The following RBFOX1 variants were observed in gnomAD, a reference collection of about 807,000 sequenced individuals.
The protein encoded by RBFOX1 is RNA binding fox-1 homolog 1.
In RBFOX1, 8 loss-of-function variants were observed where a neutral mutation model predicts 57.7. The ratio of observed to expected loss-of-function variants is 0.14; its 90% CI spans 0.08 to 0.25. The LOEUF (loss-of-function observed/expected upper bound fraction) is 0.25. Among genes scored for constraint, RBFOX1 ranks in the 10% least tolerant of loss-of-function variants. The probability of loss-of-function intolerance (pLI) is 1.00; values close to 1 mark genes in which losing one functional copy is unlikely to be tolerated. For synonymous variants in RBFOX1, 326 were observed against 222.4 expected, an observed-to-expected ratio of 1.47 and a Z score of -4.15; for missense variants, 611 against 548.5, an observed-to-expected ratio of 1.11 and a Z score of -1.14.
At chr16:6,352,504 G>C (rs2086590068) in intron 2 of RBFOX1, among the ~76,000 whole-genome samples, 1 of 152,114 alleles carries the variant, frequency 6.6e-6, no homozygotes. Context: ...CTAAACACTA[G>C]TTTTTGTTTT....
rs2094595853 is a variant in RBFOX1 at position 6,450,829 on chromosome 16, ATATATATGTG to A, written c.-64+133780_-64+133789del. ...TATATATATATATACATATATATAT[ATATATATGTG>A]TATATATATATATATATATATATAT... On this transcript the variant is annotated intron_variant, in intron 2 of 15. Coordinates refer to ENST00000550418, the MANE Select transcript of RBFOX1 (RefSeq NM_018723.4). 1.1e-3 allele frequency among the ~76,000 whole-genome samples: 42 copies of A among 38,398 alleles called. 1 individual carries two copies. Among genetic ancestry groups the A allele is most frequent in the East Asian group, 2.6e-3 (5 of 1,892 alleles). 25.2% of individuals were successfully genotyped at this position (38,398 alleles called of 152,430 possible). A position where few individuals can be genotyped will look rare whatever the true frequency, so the allele number is the denominator to read the frequency against.
At chr16:7,501,402 T>C (rs1404380736) in intron 4 of RBFOX1, among the ~76,000 whole-genome samples, 1 of 152,228 alleles carries the variant, frequency 6.6e-6, no homozygotes, top group Non-Finnish European at 1.5e-5. Context: ...CATTGTTGCA[T>C]TTACTCTTTG....
At chr16:7,400,822 A>G (rs527355741) in intron 4 of RBFOX1, among the ~76,000 whole-genome samples, 2 of 152,164 alleles carry the variant, frequency 1.3e-5, no homozygotes, top group Non-Finnish European at 2.9e-5. Flanking sequence ...AGTGTCCACA[A>G]TGCTGTTGGT....
At chr16:6,817,630 C>T (rs954254518) in intron 3 of RBFOX1, among the ~76,000 whole-genome samples, 3 of 151,322 alleles carry the variant, frequency 2.0e-5, no homozygotes, top group African/African-American at 4.9e-5. Flanking sequence ...CACTTGAACC[C>T]AGGAGGAGGT....
chr16:6,190,594 C>G (rs1324248085), intron 1 of RBFOX1, among the ~76,000 whole-genome samples: 3 of 152,146 alleles, frequency 2.0e-5, no homozygotes, highest in Non-Finnish European at 4.4e-5. Context: ...AACATATAAG[C>G]ACTTGATATA....
chr16:5,887,231 C>T (rs548370283), intron 4 of RBFOX1, among the ~76,000 whole-genome samples: 217 of 152,246 alleles, frequency 1.4e-3, no homozygotes, highest in African/African-American at 4.8e-3. Flanking sequence ...TTCAGGAATC[C>T]CCCATGCATG....
intron 2 of RBFOX1, among the ~76,000 whole-genome samples, chr16:6,533,542 C>A (rs1173046553): frequency 6.6e-6 from 1 of 152,074 alleles, no homozygotes; most frequent in Non-Finnish European, 1.5e-5. Flanking sequence ...TTTACCTAGC[C>A]CCTTAAGACC....
At chr16:7,078,932 G>C (rs573816867) in intron 4 of RBFOX1, among the ~76,000 whole-genome samples, 2 of 119,796 alleles carry the variant, frequency 1.7e-5, no homozygotes, top group Non-Finnish European at 3.2e-5. Context: ...CTGGTCTTGA[G>C]CTCCTGACCT....
intron 3 of RBFOX1, among the ~76,000 whole-genome samples, chr16:6,910,689 C>A (rs8057643): frequency 6.6e-6 from 1 of 152,028 alleles, no homozygotes; most frequent in Non-Finnish European, 1.5e-5. Flanking sequence ...TTCTCAGCTT[C>A]AAAGCCAGCA....
intron 4 of RBFOX1, among the ~76,000 whole-genome samples, chr16:7,233,843 A>G (rs1417333810): frequency 6.6e-6 from 1 of 152,198 alleles, no homozygotes; most frequent in African/African-American, 2.4e-5. Flanking sequence ...AAGCTAATTG[A>G]CAACAAGGTT....
Position 7,510,297 on chromosome 16 carries a change from C to T in RBFOX1, c.28-7850C>T, listed in dbSNP as rs975186647. On this transcript the variant is annotated intron_variant, in intron 4 of 15. Coordinates refer to ENST00000550418, the MANE Select transcript of RBFOX1 (RefSeq NM_018723.4). ...CTAAGTTTATGGAGGAGAAAGGAAG[C>T]AGGATGGTGCAGCAGGTATTTTTGT... The T allele has an allele frequency of 2.9e-5, 29 of 985,766 alleles. No individual in the cohort carries two copies. The African/African-American group carries it at 4.9e-4, about 17-fold the overall frequency. 61.1% of individuals were successfully genotyped at this position (985,766 alleles called of 1,614,324 possible).
At chr16:6,580,846 A>AACC (rs2097527160) in intron 2 of RBFOX1, among the ~76,000 whole-genome samples, 1 of 151,980 alleles carries the variant, frequency 6.6e-6, no homozygotes, top group Non-Finnish European at 1.5e-5. Context: ...GTCAAGTGTT[A>AACC]ACCGATGCCT....
At chr16:6,184,951 AAGAG>A (rs1013344357) in intron 1 of RBFOX1, among the ~76,000 whole-genome samples, 13 of 152,160 alleles carry the variant, frequency 8.5e-5, no homozygotes, top group African/African-American at 2.7e-4. Context: ...TGTTCAGGGA[AAGAG>A]AGAGAGAAGA....
At chr16:7,364,768 T>C (rs1462944278) in intron 4 of RBFOX1, among the ~76,000 whole-genome samples, 1 of 152,210 alleles carries the variant, frequency 6.6e-6, no homozygotes, top group Non-Finnish European at 1.5e-5. Context: ...GTTCTCTCTC[T>C]AAGGTAATCT....
At chr16:6,243,370 T>A (rs1338975161) in intron 1 of RBFOX1, among the ~76,000 whole-genome samples, 4 of 152,200 alleles carry the variant, frequency 2.6e-5, no homozygotes, top group Non-Finnish European at 5.9e-5. Context: ...TTCTGGAGGT[T>A]TGGAAAGCAT....
chr16:7,142,799 T>C (rs568850464), intron 4 of RBFOX1, among the ~76,000 whole-genome samples: 2 of 152,356 alleles, frequency 1.3e-5, no homozygotes, highest in East Asian at 3.9e-4. Context: ...ACAGTGTTGC[T>C]TAAACCAGTA....
At chr16:7,608,489 T>G (rs2056786946) in intron 10 of RBFOX1, among the ~76,000 whole-genome samples, 1 of 152,200 alleles carries the variant, frequency 6.6e-6, no homozygotes, top group African/African-American at 2.4e-5. Flanking sequence ...ATTCTAACAC[T>G]GCAAAATAGC....
chr16:6,934,956 C>T (rs1039173330), intron 3 of RBFOX1, among the ~76,000 whole-genome samples: 2 of 151,982 alleles, frequency 1.3e-5, no homozygotes, highest in Non-Finnish European at 2.9e-5. Flanking sequence ...GGCCTGGTGG[C>T]ATTTGCCTGT....
intron 3 of RBFOX1, among the ~76,000 whole-genome samples, chr16:6,963,863 T>C (rs2083522646): frequency 6.6e-6 from 1 of 151,736 alleles, no homozygotes; most frequent in Non-Finnish European, 1.5e-5. Flanking sequence ...CACGCCTGGC[T>C]AATTTTTTGT....
Sources: gnomAD v4.1 joint callset for allele counts (sites outside exome capture counted in the v4.1 genomes callset) on GRCh38, gnomAD v4.1.1 for gene constraint, MANE v1.5 for transcripts, NCBI Gene and HGNC (gene_info 2026-07-23, HGNC 2026-07-21) for gene names.